SV2C: variants seen among roughly 807,000 people sequenced by gnomAD.
SV2C encodes the protein solute carrier family 22 member B3.
In SV2C, 49 loss-of-function variants were observed where a neutral mutation model predicts 79.7. The ratio of observed to expected loss-of-function variants is 0.61; its 90% CI spans 0.49 to 0.78. The LOEUF (loss-of-function observed/expected upper bound fraction) is 0.78. Ranked by LOEUF, SV2C falls within the 30% of genes least tolerant of loss-of-function variation. SV2C has a pLI of 0.00. For synonymous variants in SV2C, 334 were observed against 333.2 expected (o/e 1.00, Z -0.03); for missense variants, 833 against 912.9 (o/e 0.91, Z 1.13).
chr5:76,292,492 A>C (rs531095578), intron 8 of SV2C, among the ~76,000 whole-genome samples: 2 of 152,108 alleles, frequency 1.3e-5, no homozygotes, highest in Non-Finnish European at 2.9e-5. Context: ...TGCCTTGTTC[A>C]AAGCTGAGTG....
At chr5:76,311,767 A>G (rs1390002046) in intron 12 of SV2C, among the ~76,000 whole-genome samples, 2 of 152,282 alleles carry the variant, frequency 1.3e-5, no homozygotes, top group East Asian at 1.9e-4. Flanking sequence ...AGCCCCAACC[A>G]TCTAACATAC....
chr5:76,344,525 A>G (rs1324235580), intron 12 of SV2C, among the ~76,000 whole-genome samples: 2 of 152,202 alleles, frequency 1.3e-5, no homozygotes, highest in African/African-American at 4.8e-5. Flanking sequence ...CCTGACCAAC[A>G]TGGAGAAATC....
the SV2C span, among the ~76,000 whole-genome samples, chr5:75,875,372 A>T: frequency 6.6e-6 from 1 of 152,190 alleles, no homozygotes; most frequent in Non-Finnish European, 1.5e-5. Context: ...ATAACAGGCT[A>T]GCCATGTGCA....
intron 4 of SV2C, among the ~76,000 whole-genome samples, chr5:76,254,760 C>T (rs1746216877): frequency 6.6e-6 from 1 of 152,080 alleles, no homozygotes; most frequent in Admixed American, 6.6e-5. Flanking sequence ...AGTGATGAAA[C>T]TTGGAGTTAT....
chr5:76,273,148 T>A (rs1029109424), intron 4 of SV2C, among the ~76,000 whole-genome samples: 30 of 131,490 alleles, frequency 2.3e-4, no homozygotes, highest in African/African-American at 9.0e-4. Context: ...ACAAAAAAGA[T>A]ATATATATAT....
chr5:75,965,476 C>T, the SV2C span, among the ~76,000 whole-genome samples: 1 of 152,130 alleles, frequency 6.6e-6, no homozygotes, highest in African/African-American at 2.4e-5. Flanking sequence ...GCCTATTCTG[C>T]CATGTGACAC....
chr5:76,259,076 AT>A (rs746304438), intron 4 of SV2C, among the ~76,000 whole-genome samples: 32 of 152,250 alleles, frequency 2.1e-4, no homozygotes, highest in Non-Finnish European at 3.1e-4. Flanking sequence ...GTTGTTTCCA[AT>A]TTTTTGTGGG....
chr5:76,350,417 G>A (rs1749623895), intron 12 of SV2C, among the ~76,000 whole-genome samples: 1 of 152,188 alleles, frequency 6.6e-6, no homozygotes, highest in South Asian at 2.1e-4. Context: ...GGGGCCTCAG[G>A]AAATGTGACA....
upstream of SV2C, chr5:76,079,795 C>T (rs1040195701): frequency 4.7e-5 from 10 of 214,880 alleles, no homozygotes; most frequent in African/African-American, 2.3e-4. Flanking sequence ...ATCACAGGTG[C>T]TGCAAATGGC....
chr5:76,238,065 C>CAT (rs1554042075), intron 4 of SV2C, among the ~76,000 whole-genome samples: 5 of 67,618 alleles, frequency 7.4e-5, no homozygotes, highest in Admixed American at 1.7e-4. Context: ...CACACACACA[C>CAT]ATATATATAC....
chr5:75,954,604 G>C, the SV2C span, among the ~76,000 whole-genome samples: 1 of 149,670 alleles, frequency 6.7e-6, no homozygotes, highest in Non-Finnish European at 1.5e-5. Context: ...AAGTCAAATT[G>C]TCCCTGTTTG....
At chr5:76,290,349 G>T (rs1039120198) in intron 6 of SV2C, among the ~76,000 whole-genome samples, 13 of 152,162 alleles carry the variant, frequency 8.5e-5, no homozygotes, top group African/African-American at 3.1e-4. Context: ...CCCTTTAAAT[G>T]TTGGCAGGAT....
At chr5:75,985,098 G>A in the SV2C span, among the ~76,000 whole-genome samples, 41 of 151,918 alleles carry the variant, frequency 2.7e-4, no homozygotes, top group South Asian at 1.2e-3. Context: ...GAGGGTCTCC[G>A]GCTGCTTCAA....
At chr5:76,024,791 C>A in the SV2C span, among the ~76,000 whole-genome samples, 1 of 152,066 alleles carries the variant, frequency 6.6e-6, no homozygotes, top group African/African-American at 2.4e-5. Context: ...GAAAAGTTGA[C>A]CCTCCCTATA....
At position 76,326,536 on chromosome 5, in the gene SV2C, C is replaced by T. The variant is rs1297576282; in HGVS notation, c.*989C>T. 2.0e-5 allele frequency: 3 copies of T among 152,200 alleles called. No homozygotes were observed. The highest frequency in any genetic ancestry group is 4.4e-5 in the Non-Finnish European group (3 of 68,032). 9.4% of individuals were successfully genotyped at this position (152,200 alleles called of 1,614,324 possible). A position where few individuals can be genotyped will look rare whatever the true frequency, so the allele number is the denominator to read the frequency against. On this transcript the variant is annotated 3_prime_UTR_variant, in exon 13 of 13. Transcript: ENST00000502798. ...AGCCATTTGGAAATACAAAATGGTA[C>T]CTCTTTCCAGTACCTCTTTGCTGTG...
the SV2C span, among the ~76,000 whole-genome samples, chr5:76,048,987 G>GAAAGAAAGAAAGA: frequency 3.7e-5 from 3 of 80,124 alleles, no homozygotes; most frequent in African/African-American, 1.2e-4. Context: ...AAGAAAGAAA[G>GAAAGAAAGAAAGA]AAAGAAAGAA....
chr5:75,991,919 T>TA, the SV2C span, among the ~76,000 whole-genome samples: 1 of 151,806 alleles, frequency 6.6e-6, no homozygotes, highest in African/African-American at 2.4e-5. Flanking sequence ...ACTTTAATTT[T>TA]AAAAAATCTG....
the SV2C span, among the ~76,000 whole-genome samples, chr5:75,870,681 G>A: frequency 5.3e-5 from 8 of 152,164 alleles, no homozygotes; most frequent in Non-Finnish European, 1.2e-4. Context: ...ACACTAAGCA[G>A]TTTTAGCTCA....
At chr5:76,269,695 G>C (rs752845551) in intron 4 of SV2C, among the ~76,000 whole-genome samples, 3 of 152,276 alleles carry the variant, frequency 2.0e-5, no homozygotes, top group Non-Finnish European at 2.9e-5. Context: ...TAGCATTCTG[G>C]TCAAAGCTGG....
Sources: gnomAD v4.1 joint callset for allele counts (sites outside exome capture counted in the v4.1 genomes callset) on GRCh38, gnomAD v4.1.1 for gene constraint, MANE v1.5 for transcripts, NCBI Gene and HGNC (gene_info 2026-07-23, HGNC 2026-07-21) for gene names.